Variants in KAZN observed in about 807,000 individuals in gnomAD.
KAZN encodes the protein kazrin.
A neutral mutation model predicts 87.4 loss-of-function variants in KAZN; 40 were observed. That is an observed-to-expected ratio of 0.46 (90% CI 0.36 to 0.60). The LOEUF is 0.60. Ranked by LOEUF, KAZN falls within the 20% of genes least tolerant of loss-of-function variation. The pLI is 0.00. For missense variants in KAZN, 898 were observed against 1,073.9 expected, an observed-to-expected ratio of 0.84 and a Z score of 2.29; for synonymous variants, 466 against 458.3, an observed-to-expected ratio of 1.02 and a Z score of -0.22.
At chr1:14,445,024 C>T (rs528513597) in intron 2 of KAZN, among the ~76,000 whole-genome samples, 95 of 125,788 alleles carry the variant, frequency 7.6e-4, no homozygotes, top group African/African-American at 2.9e-3. Context: ...CAACATAACC[C>T]GTGTGCTTTT....
At chr1:14,369,931 T>C (rs779736472) in intron 2 of KAZN, among the ~76,000 whole-genome samples, 3 of 152,214 alleles carry the variant, frequency 2.0e-5, no homozygotes, top group Non-Finnish European at 4.4e-5. Context: ...CAGAAACAAC[T>C]GGCTCTAACA....
At chr1:14,926,628 T>C (rs992377931) in intron 1 of KAZN, among the ~76,000 whole-genome samples, 1 of 152,226 alleles carries the variant, frequency 6.6e-6, no homozygotes, top group African/African-American at 2.4e-5. Context: ...CCATGATGGC[T>C]AGGCATTGAG....
chr1:15,062,115 T>C (rs1638849162), intron 6 of KAZN: 1 of 152,240 alleles, frequency 6.6e-6, no homozygotes, highest in Non-Finnish European at 1.5e-5. Flanking sequence ...GAAATGCTGC[T>C]GGAAAAACCC....
chr1:14,318,081 C>A (rs1484367826), intron 2 of KAZN, among the ~76,000 whole-genome samples: 1 of 151,840 alleles, frequency 6.6e-6, no homozygotes, highest in Non-Finnish European at 1.5e-5. Flanking sequence ...CCTCCTGATA[C>A]CTTTTTATTG....
At chr1:14,505,898 C>T (rs1280218655) in intron 2 of KAZN, among the ~76,000 whole-genome samples, 5 of 152,086 alleles carry the variant, frequency 3.3e-5, no homozygotes, top group Middle Eastern at 6.8e-3. Flanking sequence ...CGATTGAACC[C>T]GGGAGGTGGA....
intron 2 of KAZN, among the ~76,000 whole-genome samples, chr1:14,521,052 T>A (rs752873663): frequency 6.6e-6 from 1 of 152,210 alleles, no homozygotes; most frequent in Non-Finnish European, 1.5e-5. Flanking sequence ...TCCCCACTCT[T>A]GGAAGAGCCA....
chr1:13,988,057 T>G (rs1181457716), intron 1 of KAZN, among the ~76,000 whole-genome samples: 8 of 152,194 alleles, frequency 5.3e-5, no homozygotes, highest in Admixed American at 2.0e-4. Flanking sequence ...GGTGGAAACC[T>G]CCTGATCTAA....
At chr1:13,912,685 C>T in intron 1 of KAZN, among the ~76,000 whole-genome samples, 1 of 152,164 alleles carries the variant, frequency 6.6e-6, no homozygotes, top group Non-Finnish European at 1.5e-5. Flanking sequence ...CTCACTGCAG[C>T]CTCTGCCTCC....
Position 15,094,033 on chromosome 1 carries a change from A to G in KAZN, c.1223-147A>G. On this transcript the variant is annotated intron_variant, in intron 8 of 14. Transcript: ENST00000376030. This position sits in a 1 kb window ranked among gnomAD's most constrained non-coding sequence, Gnocchi z 4.5. ...TAATGGGGGCAAGGGCAGAAAAACA[A>G]AAACGCCAAAAGCCACTTTGATTTT... 1 of 657,788 alleles carries G rather than the reference A, an allele frequency of 1.5e-6. No individual in the cohort carries two copies. Among genetic ancestry groups the G allele is most frequent in the Non-Finnish European group, 2.6e-6 (1 of 391,706 alleles). 40.7% of individuals were successfully genotyped at this position (657,788 alleles called of 1,614,324 possible).
intron 1 of KAZN, among the ~76,000 whole-genome samples, chr1:14,114,524 C>T (rs547139214): frequency 6.6e-6 from 1 of 152,076 alleles, no homozygotes; most frequent in Non-Finnish European, 1.5e-5. Context: ...GTCGATGCCC[C>T]CCATATCCTC....
intron 2 of KAZN, among the ~76,000 whole-genome samples, chr1:14,312,817 G>C (rs1308871963): frequency 6.6e-6 from 1 of 152,012 alleles, no homozygotes; most frequent in African/African-American, 2.4e-5. Context: ...AAATGAGCGT[G>C]ACCTCTGGCC....
chr1:14,633,140 C>G (rs1218476407), intron 1 of KAZN, among the ~76,000 whole-genome samples: 1 of 152,114 alleles, frequency 6.6e-6, no homozygotes, highest in Non-Finnish European at 1.5e-5. Context: ...TGGTCTCGAA[C>G]TCCTGACCTC....
Position 14,599,950 on chromosome 1 carries a change from A to T in KAZN, c.226+727A>T, listed in dbSNP as rs1028094950. 2.0e-5 allele frequency among the ~76,000 whole-genome samples: 3 copies of T among 152,120 alleles called. No individual in the cohort carries two copies. Among genetic ancestry groups the T allele is most frequent in the African/African-American group, 7.2e-5 (3 of 41,420 alleles). ...GAAGGGACTCTGCGGTTTAGAGAAGAGGAAGAAAAAGACAGTTGGTTTGTG... is the reference window on the plus strand; with the variant it reads ...GAAGGGACTCTGCGGTTTAGAGAAGTGGAAGAAAAAGACAGTTGGTTTGTG... On this transcript the variant is annotated intron_variant, in intron 1 of 14. Transcript: ENST00000376030. The surrounding 1 kb of genome is among the most constrained non-coding windows in gnomAD (Gnocchi z 4.4).
intron 2 of KAZN, among the ~76,000 whole-genome samples, chr1:14,550,453 G>GC (rs1327442690): frequency 6.6e-6 from 1 of 152,106 alleles, no homozygotes; most frequent in Non-Finnish European, 1.5e-5. Context: ...AATGCAGGCT[G>GC]GAAAAATATT....
intron 2 of KAZN, among the ~76,000 whole-genome samples, chr1:14,301,115 T>C (rs1342273800): frequency 6.6e-6 from 1 of 152,194 alleles, no homozygotes; most frequent in Non-Finnish European, 1.5e-5. Context: ...CTCAGCCTCA[T>C]GGCCCAGTGA....
chr1:14,999,554 T>C (rs1668260754), intron 2 of KAZN, among the ~76,000 whole-genome samples: 1 of 141,088 alleles, frequency 7.1e-6, no homozygotes, highest in African/African-American at 2.7e-5. Flanking sequence ...CCATGAGGCC[T>C]TCGGAAATGG....
At chr1:14,064,139 A>G (rs1175999038) in intron 1 of KAZN, among the ~76,000 whole-genome samples, 1 of 152,100 alleles carries the variant, frequency 6.6e-6, no homozygotes, top group Non-Finnish European at 1.5e-5. Flanking sequence ...GCTGGTCTTG[A>G]ACTCCTGACC....
In KAZN at chr1:15,081,631, G is replaced by A. The variant is rs551692974; in HGVS notation, c.1223-12549G>A. ...GTACCCACACTAGGTGACCAGGAAA[G>A]GAGTCCCTGAAATAATCAGTATTGA... On this transcript the variant is annotated intron_variant, in intron 8 of 14. Transcript: ENST00000376030. The surrounding 1 kb of genome is among the most constrained non-coding windows in gnomAD (Gnocchi z 4.1). Among the ~76,000 whole-genome samples the A allele has an allele frequency of 9.2e-5, 14 of 152,260 alleles. No individual in the cohort carries two copies. The highest frequency in any genetic ancestry group is 3.4e-4 in the African/African-American group (14 of 41,550).
chr1:14,371,743 A>G (rs960851679), intron 2 of KAZN, among the ~76,000 whole-genome samples: 39 of 152,222 alleles, frequency 2.6e-4, no homozygotes, highest in Non-Finnish European at 1.0e-4. Flanking sequence ...AGCAGAACCA[A>G]ACATTCTAGA....
Sources: allele counts gnomAD v4.1 joint callset (sites outside exome capture counted in the v4.1 genomes callset), GRCh38; gene constraint gnomAD v4.1.1; non-coding constraint Gnocchi (gnomAD v3.1); transcripts MANE v1.5; gene names NCBI Gene and HGNC (gene_info 2026-07-23, HGNC 2026-07-21).